The following CENPM variants were observed in gnomAD, a reference collection of about 807,000 sequenced individuals.
CENPM encodes centromere protein M.
CENPM carries 14 observed loss-of-function variants against 19.6 expected under a neutral mutation model. The observed-to-expected ratio is 0.71, with a 90% CI of 0.47 to 1.11. The LOEUF is 1.11. CENPM is among the 50% of genes most tolerant of loss of function. The pLI is 0.00. For missense variants in CENPM, 239 were observed against 228.4 expected (o/e 1.05, Z -0.30); for synonymous variants, 114 against 101.5 (o/e 1.12, Z -0.74).
chr22:41,938,118 A>T (rs896991907), downstream of CENPM, among the ~76,000 whole-genome samples: 2 of 142,990 alleles, frequency 1.4e-5, no homozygotes, highest in Non-Finnish European at 3.0e-5. Flanking sequence ...CTGGAATTAT[A>T]GGTGGGAACC....
At chr22:41,932,428 G>A in the CENPM span, among the ~76,000 whole-genome samples, 2 of 152,174 alleles carry the variant, frequency 1.3e-5, no homozygotes, top group Admixed American at 6.5e-5. The surrounding 1 kb of genome is among the most constrained non-coding windows in gnomAD (Gnocchi z 4.3). Context: ...CCCAGATCCC[G>A]TTCCTCCCCG....
chr22:41,945,148 C>G (rs781352870), intron 4 of CENPM, 77 bp downstream of exon 4: 64 of 1,605,482 alleles, frequency 4.0e-5, no homozygotes, highest in Non-Finnish European at 5.2e-5. Flanking sequence ...ACCCAGGGTG[C>G]CTCAGCAAGA....
In CENPM at chr22:41,939,878, AAAAGAAAG is replaced by A. The variant is rs1268180534; in HGVS notation, c.403-690_403-683del. 3.7e-4 allele frequency among the ~76,000 whole-genome samples: 27 copies of A among 72,998 alleles called. 1 individual carries two copies. Among genetic ancestry groups the A allele is most frequent in the African/African-American group, 1.0e-3 (10 of 9,804 alleles). 47.9% of individuals were successfully genotyped at this position (72,998 alleles called of 152,430 possible). A position where few individuals can be genotyped will look rare whatever the true frequency, so the allele number is the denominator to read the frequency against. On this transcript the variant is annotated intron_variant, in intron 5 of 5. Coordinates refer to ENST00000215980, the MANE Select transcript of CENPM (RefSeq NM_024053.5). ...AAAGAAAGAAAGAAAGAAAGAAAGA[AAAAGAAAG>A]AAAGAAAGAAAGAAAGAAAGAGCCT...
chr22:41,946,177 C>T (rs1412514389), intron 2 of CENPM, 172 bp from the exon 3 acceptor site: 3 of 675,460 alleles, frequency 4.4e-6, no homozygotes, highest in Admixed American at 2.7e-5. Context: ...AGGACAGGTC[C>T]GGTCCTATTC....
At chr22:41,928,282 C>G in the CENPM span, 11 of 199,950 alleles carry the variant, frequency 5.5e-5, no homozygotes. The surrounding 1 kb of genome is among the most constrained non-coding windows in gnomAD (Gnocchi z 4.0). Flanking sequence ...CACTGCGGGC[C>G]CCTCCTGTCT....
the CENPM span, chr22:41,928,121 G>T: frequency 5.7e-4 from 221 of 384,712 alleles, no homozygotes; most frequent in Non-Finnish European, 8.0e-4. This position sits in a 1 kb window ranked among gnomAD's most constrained non-coding sequence, Gnocchi z 4.0. Flanking sequence ...GTGGCTGGGG[G>T]ACACGAGGGA....
intron 5 of CENPM, among the ~76,000 whole-genome samples, chr22:41,942,073 G>A (rs1384794088): frequency 6.6e-6 from 1 of 152,204 alleles, no homozygotes; most frequent in Non-Finnish European, 1.5e-5. Flanking sequence ...TGCTGACTCG[G>A]TTCTCCCTGC....
chr22:41,934,379 C>T (rs1225341456), downstream of CENPM, among the ~76,000 whole-genome samples: 2 of 152,190 alleles, frequency 1.3e-5, no homozygotes, highest in Admixed American at 6.5e-5. Flanking sequence ...AGCTCTACTC[C>T]TCTAAGAGTG....
chr22:41,939,876 GAAAAAGAA>G (rs144156403), intron 5 of CENPM, among the ~76,000 whole-genome samples: 2 of 103,184 alleles, frequency 1.9e-5, no homozygotes, highest in African/African-American at 1.4e-4. Context: ...AAGAAAGAAA[GAAAAAGAA>G]AGAAAGAAAG....
chr22:41,941,191 A>T (rs1004530989), intron 5 of CENPM, among the ~76,000 whole-genome samples: 1 of 152,176 alleles, frequency 6.6e-6, no homozygotes, highest in Admixed American at 6.6e-5. Flanking sequence ...TTCCTCATCA[A>T]TGGAACGGGG....
Position 41,943,449 on chromosome 22 carries a change from AAAGCCACTC to A in CENPM, c.402+152_402+160del, listed in dbSNP as rs1327618639. Reference sequence around the variant, plus strand: ...GCCCAGGTCATAGCCAGTGAGTAGAAAAGCCACTCAAACCAGGATCCTGTGTCTCCCTCC... The same window carrying A: ...GCCCAGGTCATAGCCAGTGAGTAGAAAAACCAGGATCCTGTGTCTCCCTCC... On this transcript the variant is annotated intron_variant, in intron 5 of 5. Coordinates refer to ENST00000215980, the MANE Select transcript of CENPM (RefSeq NM_024053.5). Among the ~76,000 whole-genome samples the A allele has an allele frequency of 2.6e-5, 4 of 152,294 alleles. No individual in the cohort carries two copies. In the East Asian group the frequency reaches 7.7e-4, roughly 29 times the overall value.
chr22:41,943,811 C>T (rs910781939), intron 4 of CENPM, 110 bp from the exon 5 acceptor site: 2 of 921,220 alleles, frequency 2.2e-6, no homozygotes, highest in African/African-American at 3.3e-5. Context: ...CAGTTTCTTT[C>T]TAGTCGCGAG....
chr22:41,931,006 T>G, the CENPM span, among the ~76,000 whole-genome samples: 1 of 151,430 alleles, frequency 6.6e-6, no homozygotes, highest in African/African-American at 2.4e-5. Context: ...CCAGCTAACT[T>G]TTGCATTTTA....
chr22:41,945,843 G>A (rs998406808), intron 3 of CENPM, 70 bp downstream of exon 3: 2 of 1,251,384 alleles, frequency 1.6e-6, no homozygotes, highest in South Asian at 2.6e-5. Context: ...TCACAAGTTA[G>A]GTCACCGTCT....
At chr22:41,930,493 C>T in the CENPM span, among the ~76,000 whole-genome samples, 1 of 151,968 alleles carries the variant, frequency 6.6e-6, no homozygotes, top group Non-Finnish European at 1.5e-5. Flanking sequence ...TTGGCCAACA[C>T]GCCTGGCCTA....
At chr22:41,946,988 C>A (rs947315277) in intron 1 of CENPM, 32 bp downstream of exon 1, 2 of 1,610,418 alleles carry the variant, frequency 1.2e-6, no homozygotes, top group African/African-American at 2.7e-5. Context: ...GGAGGAAAAA[C>A]CGGCGGGGGA....
chr22:41,929,387 A>G, the CENPM span, among the ~76,000 whole-genome samples: 1 of 152,056 alleles, frequency 6.6e-6, no homozygotes, highest in African/African-American at 2.4e-5. Context: ...GCTTGTGGGA[A>G]CCCAGGAACG....
intron 5 of CENPM, among the ~76,000 whole-genome samples, chr22:41,942,488 T>G (rs148819236): frequency 0.018 from 2,749 of 152,132 alleles, 98 homozygotes; most frequent in African/African-American, 0.064. Flanking sequence ...CAGTGGCTCA[T>G]GCCTGTAATC....
At chr22:41,940,257 T>G in intron 5 of CENPM, 1 of 703,318 alleles carries the variant, frequency 1.4e-6, no homozygotes. Flanking sequence ...TTAGAAGTCC[T>G]GTTTGCAGGG....
Sources: gnomAD v4.1 joint callset for allele counts (sites outside exome capture counted in the v4.1 genomes callset) on GRCh38, gnomAD v4.1.1 for gene constraint, Gnocchi (gnomAD v3.1) non-coding constraint, MANE v1.5 for transcripts, NCBI Gene and HGNC (gene_info 2026-07-23, HGNC 2026-07-21) for gene names.